The following ATE1 variants were observed in gnomAD, a reference collection of about 807,000 sequenced individuals.
The protein encoded by ATE1 is arginyl-tRNA--protein transferase 1.
A neutral mutation model predicts 70.5 loss-of-function variants in ATE1; 36 were observed. That is an observed-to-expected ratio of 0.51 (90% CI 0.39 to 0.67). The LOEUF (loss-of-function observed/expected upper bound fraction) is 0.67. ATE1 is among the 30% of genes least tolerant of loss of function. The pLI is 0.00. For synonymous variants in ATE1, 232 were observed against 219.3 expected (o/e 1.06, Z -0.51); for missense variants, 593 against 629.5 (o/e 0.94, Z 0.62).
At chr10:121,785,320 G>A (rs984823731) in intron 11 of ATE1, among the ~76,000 whole-genome samples, 1 of 152,158 alleles carries the variant, frequency 6.6e-6, no homozygotes, top group African/African-American at 2.4e-5. Flanking sequence ...CTAGGAAGTT[G>A]CTTTCTCACT....
At chr10:121,824,890 G>T (rs1292079868) in intron 10 of ATE1, among the ~76,000 whole-genome samples, 4 of 151,012 alleles carry the variant, frequency 2.6e-5, no homozygotes, top group African/African-American at 9.7e-5. Context: ...TAAAAAGAGA[G>T]AACTAAGCTT....
intron 3 of ATE1, among the ~76,000 whole-genome samples, chr10:121,919,927 T>G (rs2134568028): frequency 6.6e-6 from 1 of 152,052 alleles, no homozygotes; most frequent in East Asian, 1.9e-4. Flanking sequence ...ATGTTACATA[T>G]TTTTGTCTAC....
chr10:121,779,260 T>C (rs1213751261), intron 11 of ATE1, among the ~76,000 whole-genome samples: 2 of 152,194 alleles, frequency 1.3e-5, no homozygotes, highest in Non-Finnish European at 2.9e-5. Context: ...TTCCCAACCC[T>C]GGAAAAGCCG....
At chr10:121,798,925 A>C (rs539204597) in intron 10 of ATE1, among the ~76,000 whole-genome samples, 1 of 149,056 alleles carries the variant, frequency 6.7e-6, no homozygotes, top group Non-Finnish European at 1.5e-5. Context: ...AAGGTAATGA[A>C]GACAGACATT....
In ATE1 at chr10:121,780,000, T is replaced by C. The variant is rs549776907; in HGVS notation, c.1378+10169A>G. On this transcript the variant is annotated intron_variant, in intron 11 of 11. Transcript: ENST00000224652. ...GAATTCTTCATCTGCTCAGTCATTA[T>C]ATGCTGGGCCCTTGGGGCTGTCCTC... 3.9e-4 allele frequency among the ~76,000 whole-genome samples: 60 copies of C among 152,330 alleles called. No individual in the cohort carries two copies. In the South Asian group the frequency reaches 0.012, roughly 31 times the overall value.
intron 10 of ATE1, among the ~76,000 whole-genome samples, chr10:121,807,508 T>G (rs1449770858): frequency 1.3e-5 from 2 of 152,230 alleles, no homozygotes; most frequent in African/African-American, 4.8e-5. Flanking sequence ...TTATTGAACT[T>G]CACATAGCAA....
chr10:121,851,090 C>CAAAAAAAAAAAAAAAAAAAAAA (rs10603053), intron 8 of ATE1, among the ~76,000 whole-genome samples: 1 of 43,210 alleles, frequency 2.3e-5, no homozygotes, highest in Non-Finnish European at 3.7e-5. Flanking sequence ...GACTCCATCT[C>CAAAAAAAAAAAAAAAAAAAAAA]AAAAAAAAAA....
At chr10:121,899,168 C>T (rs1564941594) in intron 7 of ATE1, among the ~76,000 whole-genome samples, 3 of 151,772 alleles carry the variant, frequency 2.0e-5, no homozygotes, top group Admixed American at 2.0e-4. Flanking sequence ...AAAATCTCAA[C>T]CTCATAAGAG....
At chr10:121,927,801 C>A in intron 1 of ATE1, 43 bp downstream of exon 1, 1 of 1,522,506 alleles carries the variant, frequency 6.6e-7, no homozygotes. Context: ...ATCCCGAGAC[C>A]CGGGCGCCCG....
At chr10:121,761,517 T>A (rs926100188) in intron 11 of ATE1, among the ~76,000 whole-genome samples, 1 of 152,236 alleles carries the variant, frequency 6.6e-6, no homozygotes, top group African/African-American at 2.4e-5. Flanking sequence ...TACAGCATAA[T>A]GTAAACATGA....
Position 121,875,296 on chromosome 10 carries a change from TGG to T in ATE1, c.943-5260_943-5259del, listed in dbSNP as rs1374889892. Among the ~76,000 whole-genome samples the T allele has an allele frequency of 9.7e-5, 12 of 123,226 alleles. 1 individual carries two copies. The highest frequency in any genetic ancestry group is 3.3e-4 in the African/African-American group (11 of 33,264). 80.8% of individuals were successfully genotyped at this position (123,226 alleles called of 152,430 possible). A position where few individuals can be genotyped will look rare whatever the true frequency, so the allele number is the denominator to read the frequency against. ...AATTTGGGCCTTGAGGGTTTTTTTT[TGG>T]TTTTTTTTTGTTTTTTTTTTTTTGA... On this transcript the variant is annotated intron_variant, in intron 7 of 11. Transcript: ENST00000224652.
At chr10:121,818,395 G>A (rs1287142016) in intron 10 of ATE1, among the ~76,000 whole-genome samples, 2 of 151,782 alleles carry the variant, frequency 1.3e-5, no homozygotes, top group African/African-American at 4.8e-5. Context: ...ATCAGCACGT[G>A]AACATAAAAG....
intron 11 of ATE1, among the ~76,000 whole-genome samples, chr10:121,750,838 A>T (rs147614300): frequency 3.5e-4 from 53 of 152,390 alleles, no homozygotes; most frequent in African/African-American, 1.1e-3. Flanking sequence ...TGATTTAATA[A>T]TTTAAAATTT....
intron 11 of ATE1, among the ~76,000 whole-genome samples, chr10:121,774,751 T>C (rs1472178077): frequency 2.6e-5 from 4 of 152,218 alleles, no homozygotes; most frequent in African/African-American, 9.6e-5. Context: ...CTCAGATTCC[T>C]GTATTTAAAC....
chr10:121,861,013 G>C (rs185970647), intron 8 of ATE1, among the ~76,000 whole-genome samples: 2 of 152,288 alleles, frequency 1.3e-5, no homozygotes, highest in Non-Finnish European at 1.5e-5. Context: ...CATCAAACAA[G>C]ACTGATGTCC....
At chr10:121,856,471 A>G (rs546568844) in intron 8 of ATE1, among the ~76,000 whole-genome samples, 2 of 152,332 alleles carry the variant, frequency 1.3e-5, no homozygotes, top group African/African-American at 4.8e-5. Context: ...AGGAGGCTGC[A>G]GTGAGCCGAG....
chr10:121,755,974 G>A (rs1056422691), intron 11 of ATE1, among the ~76,000 whole-genome samples: 3 of 152,084 alleles, frequency 2.0e-5, no homozygotes, highest in Non-Finnish European at 4.4e-5. Context: ...ACTCATTTCA[G>A]AATTAACCCC....
chr10:121,865,157 T>C (rs1949618798), intron 8 of ATE1, among the ~76,000 whole-genome samples: 1 of 152,196 alleles, frequency 6.6e-6, no homozygotes, highest in Admixed American at 6.5e-5. Flanking sequence ...TGGGTTCAAT[T>C]TTCTTCATAA....
rs751901590 is a variant in ATE1, at chr10:121,922,334, A to G, written c.233+15T>C. ...TCATACTATAAATCCTCTTTCTACT[A>G]ATTAAAATTCTTACCTTATTGTGTA... is the stretch of plus-strand genomic sequence containing the variant. On this transcript the variant is annotated intron_variant, in intron 3 of 11. Coordinates refer to ENST00000224652, the MANE Select transcript of ATE1 (RefSeq NM_001001976.3). The G allele has an allele frequency of 6.5e-7, 1 of 1,537,796 alleles. No individual in the cohort carries two copies. The highest frequency in any genetic ancestry group is 8.9e-7 in the Non-Finnish European group (1 of 1,117,560).
Sources: allele counts gnomAD v4.1 joint callset (sites outside exome capture counted in the v4.1 genomes callset), GRCh38; gene constraint gnomAD v4.1.1; transcripts MANE v1.5; gene names NCBI Gene and HGNC (gene_info 2026-07-23, HGNC 2026-07-21).